Variants in SEMA6D observed in about 807,000 individuals in gnomAD.
SEMA6D encodes the protein semaphorin-6D.
Under a neutral mutation model 106.6 loss-of-function variants are expected in SEMA6D, and 35 were observed. The ratio of observed to expected loss-of-function variants is 0.33; its 90% CI spans 0.25 to 0.44. The LOEUF (loss-of-function observed/expected upper bound fraction) is 0.44, where lower values mean the gene tolerates loss of function less well. SEMA6D is among the 20% of genes least tolerant of loss of function. The probability of loss-of-function intolerance (pLI) is 1.00; values close to 1 mark genes in which losing one functional copy is unlikely to be tolerated. For missense variants in SEMA6D, 1,185 were observed against 1,345.9 expected, an observed-to-expected ratio of 0.88 and a Z score of 1.87; for synonymous variants, 499 against 487.7, an observed-to-expected ratio of 1.02 and a Z score of -0.31.
chr15:47,398,148 T>C (rs2040280073), intron 1 of SEMA6D, among the ~76,000 whole-genome samples: 1 of 152,200 alleles, frequency 6.6e-6, no homozygotes, highest in Non-Finnish European at 1.5e-5. Flanking sequence ...AATTAAAAAA[T>C]GATTAAGAAT....
chr15:47,586,162 T>C (rs2076335720), intron 3 of SEMA6D, among the ~76,000 whole-genome samples: 1 of 152,330 alleles, frequency 6.6e-6, no homozygotes, highest in Non-Finnish European at 1.5e-5. Context: ...GACAAAAAGG[T>C]GCCTTTTAAA....
intron 1 of SEMA6D, among the ~76,000 whole-genome samples, chr15:47,411,181 G>A (rs1207142048): frequency 2.0e-5 from 3 of 151,892 alleles, no homozygotes; most frequent in Non-Finnish European, 2.9e-5. Context: ...CTGCAACCTC[G>A]GTTTCCTGGG....
intron 1 of SEMA6D, among the ~76,000 whole-genome samples, chr15:47,315,928 T>C (rs544883642): frequency 4.6e-4 from 70 of 152,142 alleles, no homozygotes; most frequent in African/African-American, 1.6e-3. Context: ...CTTTTGTATA[T>C]TAGCCTGTCT....
intron 1 of SEMA6D, among the ~76,000 whole-genome samples, chr15:47,254,351 A>T (rs1297934943): frequency 4.1e-5 from 6 of 148,048 alleles, no homozygotes; most frequent in African/African-American, 1.5e-4. Flanking sequence ...ATATATATAT[A>T]TAAATGATTG....
chr15:47,667,459 G>A (rs2078050002), intron 4 of SEMA6D, among the ~76,000 whole-genome samples: 1 of 152,194 alleles, frequency 6.6e-6, no homozygotes, highest in Non-Finnish European at 1.5e-5. Context: ...CTGATAAGAG[G>A]TACTGAGAAC....
intron 4 of SEMA6D, among the ~76,000 whole-genome samples, chr15:47,680,623 C>T (rs1335172529): frequency 6.6e-6 from 1 of 152,082 alleles, no homozygotes; most frequent in African/African-American, 2.4e-5. Context: ...TTGCCTATTG[C>T]TCAAATGACT....
At chr15:47,219,896 A>T (rs1595759479) in intron 1 of SEMA6D, among the ~76,000 whole-genome samples, 1 of 152,278 alleles carries the variant, frequency 6.6e-6, no homozygotes, top group East Asian at 1.9e-4. Context: ...AGCTTTAGCG[A>T]TCTTAGTTGA....
At chr15:47,252,750 G>T (rs2033593944) in intron 1 of SEMA6D, among the ~76,000 whole-genome samples, 1 of 152,104 alleles carries the variant, frequency 6.6e-6, no homozygotes, top group African/African-American at 2.4e-5. Flanking sequence ...TAGCTGAATA[G>T]TATTCCATTG....
chr15:47,719,376 T>G (rs1283366664), intron 1 of SEMA6D, among the ~76,000 whole-genome samples: 2 of 152,206 alleles, frequency 1.3e-5, no homozygotes, highest in African/African-American at 2.4e-5. Flanking sequence ...TGTCTGCCAC[T>G]ACAGCGGGGG....
chr15:47,635,920 C>T (rs762043183), intron 4 of SEMA6D, among the ~76,000 whole-genome samples: 14 of 148,014 alleles, frequency 9.5e-5, no homozygotes, highest in South Asian at 8.5e-4. Flanking sequence ...GAAGACTGCA[C>T]CTGACCAAAA....
intron 1 of SEMA6D, chr15:47,730,658 A>G: frequency 6.2e-7 from 1 of 1,606,772 alleles, no homozygotes; most frequent in South Asian, 1.1e-5. Context: ...CAGCTTATGC[A>G]GCTCGCTGTT....
At chr15:47,557,445 GCT>G (rs1318182477) in intron 3 of SEMA6D, among the ~76,000 whole-genome samples, 16 of 152,264 alleles carry the variant, frequency 1.1e-4, no homozygotes, top group South Asian at 4.1e-4. Flanking sequence ...GCATAGATAA[GCT>G]TTTTTTCTTG....
At chr15:47,489,815 C>T (rs2043415565) in intron 3 of SEMA6D, among the ~76,000 whole-genome samples, 1 of 152,050 alleles carries the variant, frequency 6.6e-6, no homozygotes, top group Admixed American at 6.5e-5. Context: ...CCACTCCCAG[C>T]TGATTTTTGT....
At chr15:47,657,318 G>A (rs1399805922) in intron 4 of SEMA6D, among the ~76,000 whole-genome samples, 1 of 152,126 alleles carries the variant, frequency 6.6e-6, no homozygotes, top group East Asian at 1.9e-4. Context: ...TAAGAGTTCT[G>A]TATAAAGAAA....
At chr15:47,405,076 G>A (rs1227823126) in intron 1 of SEMA6D, among the ~76,000 whole-genome samples, 4 of 152,076 alleles carry the variant, frequency 2.6e-5, no homozygotes, top group Admixed American at 2.0e-4. Context: ...GGAGCAAGCA[G>A]CAGTGCAAAG....
At chr15:47,529,627 A>G (rs978087982) in intron 3 of SEMA6D, among the ~76,000 whole-genome samples, 1 of 147,036 alleles carries the variant, frequency 6.8e-6, no homozygotes, top group Non-Finnish European at 1.5e-5. Context: ...AAAACAAGTC[A>G]TCTTCACTTT....
At chr15:47,524,313 G>A (rs999220415) in intron 3 of SEMA6D, among the ~76,000 whole-genome samples, 1 of 152,120 alleles carries the variant, frequency 6.6e-6, no homozygotes, top group Non-Finnish European at 1.5e-5. Flanking sequence ...GGAATTGTGC[G>A]GGAGAATGAG....
At chr15:47,751,268 C>T (rs1198966404) in intron 1 of SEMA6D, among the ~76,000 whole-genome samples, 4 of 152,150 alleles carry the variant, frequency 2.6e-5, no homozygotes, top group Non-Finnish European at 5.9e-5. Context: ...CTATATAAAC[C>T]TAAACCTCCC....
chr15:47,539,415 T>TTTTG (rs1555387488), intron 3 of SEMA6D, among the ~76,000 whole-genome samples: 41 of 152,048 alleles, frequency 2.7e-4, no homozygotes, highest in Non-Finnish European at 5.6e-4. Flanking sequence ...CAGTTTTTTT[T>TTTTG]TTTGTTTGTT....
Sources: gnomAD v4.1 joint callset for allele counts (sites outside exome capture counted in the v4.1 genomes callset) on GRCh38, gnomAD v4.1.1 for gene constraint, MANE v1.5 for transcripts, NCBI Gene and HGNC (gene_info 2026-07-23, HGNC 2026-07-21) for gene names.